CDC14B: variants seen among roughly 807,000 people sequenced by gnomAD.
CDC14B encodes the protein dual specificity protein phosphatase CDC14B.
In CDC14B, 22 loss-of-function variants were observed where a neutral mutation model predicts 64.2. The observed-to-expected ratio is 0.34, with a 90% confidence interval of 0.24 to 0.49. The LOEUF is 0.49. Among genes scored for constraint, CDC14B ranks in the 20% least tolerant of loss-of-function variants. CDC14B has a pLI of 0.99. For missense variants in CDC14B, 498 were observed against 629.9 expected (o/e 0.79, Z 2.24); for synonymous variants, 191 against 215.8 (o/e 0.89, Z 1.01).
intron 1 of CDC14B, among the ~76,000 whole-genome samples, chr9:96,591,657 A>G (rs1845799519): frequency 6.6e-6 from 1 of 152,176 alleles, no homozygotes; most frequent in African/African-American, 2.4e-5. Context: ...TTCAATCTGC[A>G]GATAGCTTTA....
intron 1 of CDC14B, among the ~76,000 whole-genome samples, chr9:96,612,261 C>G (rs1218134569): frequency 6.6e-6 from 1 of 152,232 alleles, no homozygotes; most frequent in Non-Finnish European, 1.5e-5. Context: ...TTCCACTGTG[C>G]TGATTCACTG....
intron 9 of CDC14B, among the ~76,000 whole-genome samples, chr9:96,524,341 A>C (rs1488899564): frequency 6.6e-6 from 1 of 151,050 alleles, no homozygotes; most frequent in Admixed American, 6.6e-5. Flanking sequence ...GTGGAGAATC[A>C]CTTTCTGAGC....
chr9:96,541,736 A>C, intron 6 of CDC14B, 90 bp downstream of exon 6: 1 of 838,390 alleles, frequency 1.2e-6, no homozygotes, highest in Non-Finnish European at 1.8e-6. Context: ...AGAAACACTA[A>C]CAAAAAGATC....
chr9:96,555,502 C>G (rs1440065290), intron 4 of CDC14B, among the ~76,000 whole-genome samples: 1 of 152,206 alleles, frequency 6.6e-6, no homozygotes. Context: ...TAGACATGGT[C>G]TAAGACAATT....
rs1564388684 is a variant in CDC14B at position 96,604,346 on chromosome 9, TTATTATTATTATTATTATTA to T, written c.160+14853_160+14872del. Among the ~76,000 whole-genome samples the T allele has an allele frequency of 7.1e-3, 366 of 51,282 alleles. 3 individuals carry two copies. Among genetic ancestry groups the T allele is most frequent in the African/African-American group, 0.018 (346 of 19,318 alleles). The allele number at this position is 51,282 out of a possible 152,430, so 33.6% of individuals were successfully genotyped here. A position where few individuals can be genotyped will look rare whatever the true frequency, so the allele number is the denominator to read the frequency against. On this transcript the variant is annotated intron_variant, in intron 1 of 13. Transcript: ENST00000375241. The stretch of plus-strand genomic sequence containing the variant: ...AAAGGCCTCGTGAAGCTTGCATTTA[TTATTATTATTATTATTATTA>T]TTATTATTATTATTATTATTATTAT...
At chr9:96,508,806 T>TA (rs1834528214) in intron 13 of CDC14B, among the ~76,000 whole-genome samples, 1 of 152,192 alleles carries the variant, frequency 6.6e-6, no homozygotes, top group Non-Finnish European at 1.5e-5. Context: ...TTCACACTGA[T>TA]AAGGCCCCTA....
At chr9:96,599,924 G>A (rs1192566054) in intron 1 of CDC14B, among the ~76,000 whole-genome samples, 1 of 152,012 alleles carries the variant, frequency 6.6e-6, no homozygotes, top group Admixed American at 6.6e-5. Context: ...TAGAAACGGG[G>A]TTTCACCACG....
intron 9 of CDC14B, among the ~76,000 whole-genome samples, chr9:96,526,807 G>A (rs879804761): frequency 5.3e-5 from 8 of 152,122 alleles, no homozygotes; most frequent in Admixed American, 4.6e-4. Context: ...TAGCAGCATC[G>A]CTGATCTCTA....
intron 5 of CDC14B, among the ~76,000 whole-genome samples, chr9:96,542,889 A>C (rs913035518): frequency 3.3e-5 from 5 of 151,842 alleles, no homozygotes; most frequent in African/African-American, 1.2e-4. Context: ...GGCGCCTGTA[A>C]TCCCAGCTAC....
chr9:96,577,844 A>G (rs1844902902), intron 1 of CDC14B, among the ~76,000 whole-genome samples: 1 of 152,248 alleles, frequency 6.6e-6, no homozygotes, highest in African/African-American at 2.4e-5. Flanking sequence ...AAGCTCATAG[A>G]ATCATTATTT....
At chr9:96,603,300 T>C (rs967811720) in intron 1 of CDC14B, among the ~76,000 whole-genome samples, 3 of 152,156 alleles carry the variant, frequency 2.0e-5, no homozygotes, top group African/African-American at 7.2e-5. Context: ...ACTCTTTTGT[T>C]ATCTTTTGAA....
At chr9:96,498,999 C>G (rs1833365928), downstream of CDC14B, among the ~76,000 whole-genome samples, 1 of 152,224 alleles carries the variant, frequency 6.6e-6, no homozygotes, top group South Asian at 2.1e-4. Context: ...GTGGTTTCAT[C>G]TCAAACAATG....
At chr9:96,532,173 T>C (rs772809218) in intron 9 of CDC14B, among the ~76,000 whole-genome samples, 6 of 152,270 alleles carry the variant, frequency 3.9e-5, no homozygotes, top group African/African-American at 9.6e-5. Context: ...TAATGGTCCA[T>C]GTATTTGCCT....
intron 5 of CDC14B, among the ~76,000 whole-genome samples, chr9:96,547,577 C>T (rs1268167635): frequency 1.3e-5 from 2 of 152,032 alleles, no homozygotes; most frequent in Non-Finnish European, 2.9e-5. Context: ...CCTTAGTCTC[C>T]CAAGTAGCTA....
chr9:96,535,176 G>A lies in CDC14B; in HGVS notation c.628-634C>T, dbSNP rs912381082. 5.3e-5 allele frequency among the ~76,000 whole-genome samples: 8 copies of A among 152,190 alleles called. No homozygotes were observed. In the East Asian group the frequency reaches 9.7e-4, roughly 18 times the overall value. ...TACAAAATTAGCCAGGCATGGTGGC[G>A]CATGCCTGTAATCCCAGCTACTCGG... On this transcript the variant is annotated intron_variant, in intron 7 of 13. Coordinates refer to ENST00000375241, the MANE Select transcript of CDC14B (RefSeq NM_033331.4).
chr9:96,523,549 A>T, intron 10 of CDC14B, 38 bp downstream of exon 10: 1 of 1,612,900 alleles, frequency 6.2e-7, no homozygotes. Flanking sequence ...CCAACCCCAC[A>T]TGTTCCCTGG....
intron 1 of CDC14B, among the ~76,000 whole-genome samples, chr9:96,613,301 C>T (rs1229228933): frequency 1.3e-5 from 2 of 152,206 alleles, no homozygotes; most frequent in African/African-American, 4.8e-5. Flanking sequence ...TCCTAAAAAT[C>T]CACAGTGTGG....
intron 1 of CDC14B, among the ~76,000 whole-genome samples, chr9:96,591,769 G>A (rs375502515): frequency 7.3e-5 from 11 of 150,816 alleles, no homozygotes; most frequent in South Asian, 2.1e-4. Flanking sequence ...TTTTTGAGAC[G>A]GAGTCTTGCT....
chr9:96,534,398 A>AATATAGGATAG, intron 8 of CDC14B, 57 bp downstream of exon 8: 1 of 1,275,710 alleles, frequency 7.8e-7, no homozygotes, highest in Non-Finnish European at 1.1e-6. Context: ...TTCAAAAGAA[A>AATATAGGATAG]ATATAGGATA....
Sources: gnomAD v4.1 joint callset for allele counts (sites outside exome capture counted in the v4.1 genomes callset) on GRCh38, gnomAD v4.1.1 for gene constraint, MANE v1.5 for transcripts, NCBI Gene and HGNC (gene_info 2026-07-23, HGNC 2026-07-21) for gene names.